The following SUCLG2 variants were observed in gnomAD, a reference collection of about 807,000 sequenced individuals.
SUCLG2 encodes the protein succinate-CoA ligase GDP-forming subunit beta, also known as succinate--CoA ligase [GDP-forming] subunit beta, mitochondrial.
SUCLG2 carries 42 observed loss-of-function variants against 47.9 expected under a neutral mutation model. The observed-to-expected ratio is 0.88, with a 90% confidence interval of 0.69 to 1.14. SUCLG2 has a LOEUF of 1.14. Ranked by LOEUF, SUCLG2 falls within the 50% of genes most tolerant of loss-of-function variation. The pLI, the probability that SUCLG2 is intolerant of heterozygous loss-of-function variation, is 0.00. For missense variants in SUCLG2, 571 were observed against 525.9 expected (o/e 1.09, Z -0.84); for synonymous variants, 195 against 197.3 (o/e 0.99, Z 0.10).
intron 6 of SUCLG2, chr3:67,514,233 C>A: frequency 2.6e-6 from 1 of 387,436 alleles, no homozygotes; most frequent in African/African-American, 2.1e-5. Context: ...ACCTGTTCTT[C>A]TGGTATGATG....
intron 2 of SUCLG2, among the ~76,000 whole-genome samples, chr3:67,591,775 T>C (rs1456626014): frequency 1.3e-5 from 2 of 152,282 alleles, no homozygotes; most frequent in African/African-American, 4.8e-5. Flanking sequence ...TCACATGGAG[T>C]ACACTAGTCA....
chr3:67,375,965 A>T, intron 10 of SUCLG2, 106 bp from the exon 11 acceptor site: 1 of 1,454,248 alleles, frequency 6.9e-7, no homozygotes, highest in Admixed American at 2.6e-5. Flanking sequence ...TTTCACTAGG[A>T]AATGAATTAA....
intron 1 of SUCLG2, among the ~76,000 whole-genome samples, chr3:67,636,803 T>TC (rs1307933168): frequency 6.8e-6 from 1 of 146,950 alleles, no homozygotes; most frequent in East Asian, 1.9e-4. Context: ...GCTGGCAGTA[T>TC]CTTTTTTTTT....
chr3:67,652,873 T>A (rs2107391442), intron 1 of SUCLG2, among the ~76,000 whole-genome samples: 1 of 152,366 alleles, frequency 6.6e-6, no homozygotes, highest in South Asian at 2.1e-4. Flanking sequence ...TTCCAGTTCT[T>A]GGACACTGTG....
intron 1 of SUCLG2, among the ~76,000 whole-genome samples, chr3:67,627,544 C>A (rs943607909): frequency 6.6e-6 from 1 of 152,206 alleles, no homozygotes; most frequent in Non-Finnish European, 1.5e-5. Context: ...GCTCCAAAAT[C>A]TCCTTTCTAG....
At chr3:67,525,513 T>C (rs1706232303) in intron 4 of SUCLG2, among the ~76,000 whole-genome samples, 1 of 152,038 alleles carries the variant, frequency 6.6e-6, no homozygotes, top group South Asian at 2.1e-4. Context: ...GTAAAAGCAA[T>C]TCAATGGAGA....
downstream of SUCLG2, among the ~76,000 whole-genome samples, chr3:67,372,240 A>ATTGT (rs1701965375): frequency 6.6e-6 from 1 of 152,246 alleles, no homozygotes; most frequent in African/African-American, 2.4e-5. Context: ...AAATGATAGA[A>ATTGT]TTAAACAAGA....
chr3:67,464,914 T>C (rs912598075), intron 9 of SUCLG2, among the ~76,000 whole-genome samples: 1 of 152,158 alleles, frequency 6.6e-6, no homozygotes, highest in Non-Finnish European at 1.5e-5. Flanking sequence ...GGGCATGGCA[T>C]AGTGACATGG....
intron 1 of SUCLG2, among the ~76,000 whole-genome samples, chr3:67,613,367 C>T (rs1454861582): frequency 6.6e-6 from 1 of 152,134 alleles, no homozygotes; most frequent in Non-Finnish European, 1.5e-5. Flanking sequence ...GTGCCAGGAA[C>T]CAGGGGTAAA....
At chr3:67,452,020 A>G (rs1408160229) in intron 9 of SUCLG2, among the ~76,000 whole-genome samples, 1 of 152,176 alleles carries the variant, frequency 6.6e-6, no homozygotes. Flanking sequence ...TAATCTATTC[A>G]TTGTCAACTC....
chr3:67,410,969 T>A (rs1702920570), intron 9 of SUCLG2, among the ~76,000 whole-genome samples: 1 of 152,210 alleles, frequency 6.6e-6, no homozygotes. Flanking sequence ...CATATTTTGT[T>A]CAATCATCTC....
At chr3:67,459,735 T>C (rs1163774281) in intron 9 of SUCLG2, among the ~76,000 whole-genome samples, 1 of 152,206 alleles carries the variant, frequency 6.6e-6, no homozygotes, top group Non-Finnish European at 1.5e-5. Context: ...GGATTTATTC[T>C]CTTACATAAA....
At chr3:67,397,279 G>T (rs1463503664) in intron 10 of SUCLG2, among the ~76,000 whole-genome samples, 1 of 152,242 alleles carries the variant, frequency 6.6e-6, no homozygotes, top group African/African-American at 2.4e-5. Context: ...AAACCCCATC[G>T]TCTCAGCCCA....
chr3:67,567,297 A>ATT (rs36047981), intron 2 of SUCLG2, among the ~76,000 whole-genome samples: 1 of 148,282 alleles, frequency 6.7e-6, no homozygotes, highest in African/African-American at 2.5e-5. Context: ...CTATATCAGG[A>ATT]TTTTTTTTTT....
chr3:67,597,436 A>C (rs933619978), intron 2 of SUCLG2, among the ~76,000 whole-genome samples: 3 of 152,130 alleles, frequency 2.0e-5, no homozygotes, highest in Non-Finnish European at 2.9e-5. Context: ...TCCATTCAGT[A>C]ATCACTTATG....
At chr3:67,392,985 C>T (rs9637499) in intron 10 of SUCLG2, among the ~76,000 whole-genome samples, 107,981 of 151,884 alleles carry the variant, frequency 0.71, 38,845 homozygotes, top group Admixed American at 0.8. Context: ...TGAGAGATCA[C>T]TGTACTTTTT....
At chr3:67,645,450 A>G (rs192427143) in intron 1 of SUCLG2, among the ~76,000 whole-genome samples, 2 of 152,294 alleles carry the variant, frequency 1.3e-5, no homozygotes, top group African/African-American at 4.8e-5. Flanking sequence ...TCAGCCATTC[A>G]GTCCTTCTGC....
chr3:67,621,931 A>C (rs1700743192), intron 1 of SUCLG2, among the ~76,000 whole-genome samples: 1 of 152,218 alleles, frequency 6.6e-6, no homozygotes, highest in Non-Finnish European at 1.5e-5. Context: ...TCTGCACATC[A>C]TTCCACCACA....
At chr3:67,609,951 G>C (rs927085205) in intron 1 of SUCLG2, among the ~76,000 whole-genome samples, 12 of 152,026 alleles carry the variant, frequency 7.9e-5, no homozygotes, top group African/African-American at 2.4e-4. Flanking sequence ...AGAGTACATG[G>C]GGCTGCTATA....
Sources: gnomAD v4.1 joint callset for allele counts (sites outside exome capture counted in the v4.1 genomes callset) on GRCh38, gnomAD v4.1.1 for gene constraint, MANE v1.5 for transcripts, NCBI Gene and HGNC (gene_info 2026-07-23, HGNC 2026-07-21) for gene names.